Variants in KCNB2 observed in about 807,000 individuals in gnomAD.
KCNB2 encodes the protein delayed rectifier potassium channel protein.
Under a neutral mutation model 61.5 loss-of-function variants are expected in KCNB2, and 15 were observed. The observed-to-expected ratio is 0.24, with a 90% CI of 0.16 to 0.38. KCNB2 has a LOEUF of 0.38. Among genes scored for constraint, KCNB2 ranks in the 10% least tolerant of loss-of-function variants. KCNB2 has a pLI of 1.00. For synonymous variants in KCNB2, 457 were observed against 446.0 expected (o/e 1.02, Z -0.31); for missense variants, 828 against 1,125.2 (o/e 0.74, Z 3.78).
intron 2 of KCNB2, among the ~76,000 whole-genome samples, chr8:72,780,974 G>A (rs896926528): frequency 6.6e-6 from 1 of 152,144 alleles, no homozygotes; most frequent in African/African-American, 2.4e-5. Context: ...CTAATGATCA[G>A]TGATGCTGAG....
chr8:72,544,463 G>A (rs349354), intron 1 of KCNB2, among the ~76,000 whole-genome samples: 14,948 of 152,198 alleles, frequency 0.098, 818 homozygotes, highest in East Asian at 0.23. Context: ...AACTTTAACA[G>A]GAGAAAAGAT....
At chr8:72,815,368 C>T (rs968888384) in intron 2 of KCNB2, among the ~76,000 whole-genome samples, 2 of 152,032 alleles carry the variant, frequency 1.3e-5, no homozygotes, top group African/African-American at 2.4e-5. Flanking sequence ...CTATTTTATA[C>T]CTTTCTATTC....
intron 1 of KCNB2, 70 bp from the exon 2 acceptor site, chr8:72,567,572 A>G (rs771512051): frequency 1.1e-5 from 6 of 569,462 alleles, no homozygotes; most frequent in Non-Finnish European, 1.9e-5. Flanking sequence ...TTGTTACAAC[A>G]GAATGATCCC....
At chr8:72,759,972 G>C (rs1808350355) in intron 2 of KCNB2, among the ~76,000 whole-genome samples, 2 of 152,164 alleles carry the variant, frequency 1.3e-5, no homozygotes, top group South Asian at 4.2e-4. Flanking sequence ...GTGATTGGGG[G>C]TGTAGTGTCT....
chr8:72,738,798 A>G, intron 2 of KCNB2, among the ~76,000 whole-genome samples: 1 of 152,202 alleles, frequency 6.6e-6, no homozygotes, highest in Admixed American at 6.5e-5. Context: ...CTGGCAAGAT[A>G]ATAATACACT....
intron 2 of KCNB2, among the ~76,000 whole-genome samples, chr8:72,610,544 A>C (rs1298031165): frequency 6.6e-6 from 1 of 152,170 alleles, no homozygotes; most frequent in East Asian, 1.9e-4. Flanking sequence ...TGTATGCAAT[A>C]AAAATAACAC....
chr8:72,686,303 A>G (rs915165607), intron 2 of KCNB2, among the ~76,000 whole-genome samples: 3 of 152,156 alleles, frequency 2.0e-5, no homozygotes, highest in African/African-American at 4.8e-5. Context: ...TTCGTCTTAT[A>G]GGCCTATTTG....
intron 2 of KCNB2, among the ~76,000 whole-genome samples, chr8:72,633,987 CT>C (rs34194960): frequency 0.37 from 55,927 of 151,828 alleles, 12,648 homozygotes; most frequent in Non-Finnish European, 0.5. Flanking sequence ...ACTGGAACAC[CT>C]TGCCACTCTG....
At chr8:72,562,243 A>C (rs539634683) in intron 1 of KCNB2, among the ~76,000 whole-genome samples, 1 of 152,278 alleles carries the variant, frequency 6.6e-6, no homozygotes, top group African/African-American at 2.4e-5. Context: ...CAAGTGTATG[A>C]CATAATGCTA....
chr8:72,814,183 A>G (rs1809351433), intron 2 of KCNB2, among the ~76,000 whole-genome samples: 1 of 152,188 alleles, frequency 6.6e-6, no homozygotes, highest in Non-Finnish European at 1.5e-5. Flanking sequence ...ATATTAATTT[A>G]ATTATCATTG....
At chr8:72,752,679 C>A (rs1439165341) in intron 2 of KCNB2, among the ~76,000 whole-genome samples, 1 of 152,264 alleles carries the variant, frequency 6.6e-6, no homozygotes. Flanking sequence ...ATTTCTCAGC[C>A]TCCATAATCA....
At chr8:72,588,445 C>T (rs1414302705) in intron 2 of KCNB2, among the ~76,000 whole-genome samples, 1 of 151,804 alleles carries the variant, frequency 6.6e-6, no homozygotes, top group African/African-American at 2.4e-5. Flanking sequence ...TCAGGTGATC[C>T]GCCGACCTCA....
intron 2 of KCNB2, among the ~76,000 whole-genome samples, chr8:72,729,644 G>A (rs1807708670): frequency 6.6e-6 from 1 of 152,210 alleles, no homozygotes. Flanking sequence ...AGCATTTTGG[G>A]AGGCCAACAC....
intron 2 of KCNB2, among the ~76,000 whole-genome samples, chr8:72,845,071 T>C (rs937598914): frequency 6.6e-6 from 1 of 152,234 alleles, no homozygotes; most frequent in Admixed American, 6.5e-5. Context: ...CTCATCTTCT[T>C]GGATTTATCT....
At chr8:72,660,210 T>C (rs941048318) in intron 2 of KCNB2, among the ~76,000 whole-genome samples, 1 of 152,160 alleles carries the variant, frequency 6.6e-6, no homozygotes, top group Non-Finnish European at 1.5e-5. Flanking sequence ...TAAAGGAGAA[T>C]GAACTTGGAA....
intron 2 of KCNB2, among the ~76,000 whole-genome samples, chr8:72,737,822 T>A (rs1807875094): frequency 6.6e-6 from 1 of 152,170 alleles, no homozygotes; most frequent in African/African-American, 2.4e-5. Flanking sequence ...ACAGAGCCTT[T>A]AACTCCTAAC....
At chr8:72,715,595 G>T (rs1162521992) in intron 2 of KCNB2, among the ~76,000 whole-genome samples, 1 of 152,160 alleles carries the variant, frequency 6.6e-6, no homozygotes, top group Non-Finnish European at 1.5e-5. Context: ...CAGAAATAAA[G>T]ATGTTCTTTG....
intron 1 of KCNB2, among the ~76,000 whole-genome samples, chr8:72,555,946 A>T (rs1487379671): frequency 1.3e-5 from 2 of 152,026 alleles, no homozygotes; most frequent in Admixed American, 1.3e-4. Flanking sequence ...TTTCAATGAG[A>T]ATAATATCCT....
intron 2 of KCNB2, among the ~76,000 whole-genome samples, chr8:72,649,249 T>A (rs1806177232): frequency 6.6e-6 from 1 of 152,186 alleles, no homozygotes; most frequent in African/African-American, 2.4e-5. Context: ...TTTCAAGTTA[T>A]ACATCACTGA....
Sources: gnomAD v4.1 joint callset for allele counts (sites outside exome capture counted in the v4.1 genomes callset) on GRCh38, gnomAD v4.1.1 for gene constraint, MANE v1.5 for transcripts, NCBI Gene and HGNC (gene_info 2026-07-23, HGNC 2026-07-21) for gene names.